KCNQ5: variants seen among roughly 807,000 people sequenced by gnomAD.
KCNQ5 encodes the protein potassium voltage-gated channel subfamily Q member 5, also known as potassium voltage-gated channel subfamily KQT member 5.
A neutral mutation model predicts 98.2 loss-of-function variants in KCNQ5; 30 were observed. The observed-to-expected ratio is 0.31, with a 90% CI of 0.23 to 0.41. KCNQ5 has a LOEUF of 0.41. KCNQ5 is among the 10% of genes least tolerant of loss of function. The pLI, the probability that KCNQ5 is intolerant of heterozygous loss-of-function variation, is 1.00. For missense variants in KCNQ5, 835 were observed against 1,182.5 expected, an observed-to-expected ratio of 0.71 and a Z score of 4.31; for synonymous variants, 458 against 449.4, an observed-to-expected ratio of 1.02 and a Z score of -0.24.
chr6:72,697,441 T>C (rs1240288818), intron 1 of KCNQ5, among the ~76,000 whole-genome samples: 1 of 152,226 alleles, frequency 6.6e-6, no homozygotes, highest in Non-Finnish European at 1.5e-5. Flanking sequence ...AAATTCTAGA[T>C]TTATTCCTAG....
chr6:72,868,956 C>T (rs1778098263), intron 1 of KCNQ5, among the ~76,000 whole-genome samples: 1 of 152,078 alleles, frequency 6.6e-6, no homozygotes, highest in Admixed American at 6.6e-5. Context: ...TTACTGTAAA[C>T]TTAAAGATAA....
chr6:73,031,125 T>C (rs1194169678), intron 2 of KCNQ5, among the ~76,000 whole-genome samples: 1 of 152,212 alleles, frequency 6.6e-6, no homozygotes. Flanking sequence ...CCCCCACAGC[T>C]TGTCTTAAGA....
intron 1 of KCNQ5, among the ~76,000 whole-genome samples, chr6:72,666,031 T>C (rs1766793660): frequency 6.6e-6 from 1 of 152,216 alleles, no homozygotes; most frequent in Non-Finnish European, 1.5e-5. Context: ...GAAACAATTC[T>C]AAACCAGGAG....
intron 11 of KCNQ5, among the ~76,000 whole-genome samples, chr6:73,183,139 G>A (rs1695750876): frequency 2.0e-5 from 3 of 152,176 alleles, no homozygotes; most frequent in Non-Finnish European, 2.9e-5. Flanking sequence ...AGGCAGAGTA[G>A]GAGGTCAGAT....
chr6:73,078,366 C>T (rs1455740664), intron 5 of KCNQ5, among the ~76,000 whole-genome samples: 1 of 151,880 alleles, frequency 6.6e-6, no homozygotes, highest in African/African-American at 2.4e-5. Context: ...TTATAGTCAC[C>T]TAATTTCAAA....
chr6:72,797,074 G>C (rs939738278), intron 1 of KCNQ5, among the ~76,000 whole-genome samples: 5 of 152,132 alleles, frequency 3.3e-5, no homozygotes, highest in African/African-American at 1.2e-4. Context: ...ACTATGACAA[G>C]TATCAGCAAA....
rs915003016 is a variant in KCNQ5, at chr6:73,192,675, T to G, written c.1820T>G (p.Val607Gly). 1 of 1,591,294 alleles carries G rather than the reference T, an allele frequency of 6.3e-7. No homozygotes were observed. The highest frequency in any genetic ancestry group is 8.5e-7 in the Non-Finnish European group (1 of 1,169,708). ...GATCTCAGTATGCTCGGTCGGGTGG[T>G]CAAGGTTGAAAAACAGGTACAACTC... ...TDDLSMLGRV[V>G]KVEKQVQSIE... Residue 607 changes from valine (V) to glycine (G), a missense_variant, in exon 13 of 14, where the codon GTC becomes GGC. Val to Gly is a moderately radical substitution (Grantham distance 109). Coordinates refer to ENST00000370398, the MANE Select transcript of KCNQ5 (RefSeq NM_019842.4).
At chr6:72,974,622 A>C (rs1319232188) in intron 1 of KCNQ5, among the ~76,000 whole-genome samples, 1 of 152,192 alleles carries the variant, frequency 6.6e-6, no homozygotes, top group African/African-American at 2.4e-5. Flanking sequence ...ATGTTTATTT[A>C]GTGCATCCCT....
chr6:72,826,635 G>T (rs1776010585), intron 1 of KCNQ5, among the ~76,000 whole-genome samples: 1 of 151,962 alleles, frequency 6.6e-6, no homozygotes, highest in African/African-American at 2.4e-5. Context: ...GATAGATAGT[G>T]ATGTTTCAAT....
rs1305639255 is a variant in KCNQ5 at position 73,152,288 on chromosome 6, T to C, written c.1469-17458T>C. The stretch of plus-strand genomic sequence containing the variant: ...CTCATAATAAAGATATGAAAATCTG[T>C]TATTTGAAAGTTGGACTTGCATACT... On this transcript the variant is annotated intron_variant, in intron 10 of 13. Coordinates refer to ENST00000370398, the MANE Select transcript of KCNQ5 (RefSeq NM_019842.4). Among the ~76,000 whole-genome samples the C allele has an allele frequency of 3.3e-5, 5 of 152,092 alleles. No homozygotes were observed. The South Asian group carries it at 1.0e-3, about 32-fold the overall frequency.
chr6:72,867,692 C>CT (rs1393179975), intron 1 of KCNQ5, among the ~76,000 whole-genome samples: 2 of 151,912 alleles, frequency 1.3e-5, no homozygotes, highest in Non-Finnish European at 2.9e-5. Flanking sequence ...AATCCCAACA[C>CT]TTTGGGAGGC....
In KCNQ5 at chr6:72,622,234, G is replaced by T. The variant is rs889723978; in HGVS notation, c.45G>T (p.Gly15=). ...HAGGEEGGAA[G]LWVKSGAAAA... ...GAGGAGAGGAGGGCGGCGCCGCCGG[G>T]CTCTGGGTGAAGAGCGGCGCAGCGG... Residue 15 remains glycine (G), a synonymous_variant, in exon 1 of 14, where the codon GGG becomes GGT. Coordinates refer to ENST00000370398, the MANE Select transcript of KCNQ5 (RefSeq NM_019842.4). The surrounding 1 kb of genome is among the most constrained non-coding windows in gnomAD (Gnocchi z 6.0). 1.8e-5 allele frequency: 23 copies of T among 1,244,076 alleles called. No individual in the cohort carries two copies. Among genetic ancestry groups the T allele is most frequent in the Middle Eastern group, 6.1e-4 (2 of 3,282 alleles). 77.1% of individuals were successfully genotyped at this position (1,244,076 alleles called of 1,614,324 possible). A position where few individuals can be genotyped will look rare whatever the true frequency, so the allele number is the denominator to read the frequency against.
chr6:72,978,410 A>C (rs945922110), intron 1 of KCNQ5, among the ~76,000 whole-genome samples: 3 of 152,232 alleles, frequency 2.0e-5, no homozygotes, highest in Non-Finnish European at 2.9e-5. Context: ...CTATGATGGA[A>C]AACATCCTTT....
chr6:72,987,713 A>T (rs572535490), intron 1 of KCNQ5: 2 of 558,332 alleles, frequency 3.6e-6, no homozygotes, highest in East Asian at 9.1e-5. Flanking sequence ...TTTTATATTC[A>T]TAGGAACGCT....
chr6:72,669,393 C>T (rs775979125), intron 1 of KCNQ5, among the ~76,000 whole-genome samples: 1 of 152,192 alleles, frequency 6.6e-6, no homozygotes, highest in African/African-American at 2.4e-5. Flanking sequence ...GAATAATTGT[C>T]TTTGGCTTGA....
intron 1 of KCNQ5, among the ~76,000 whole-genome samples, chr6:72,876,644 A>G (rs1778418890): frequency 6.6e-6 from 1 of 152,272 alleles, no homozygotes; most frequent in African/African-American, 2.4e-5. Flanking sequence ...AATTAACAAA[A>G]AAGATATAAA....
intron 12 of KCNQ5, among the ~76,000 whole-genome samples, chr6:73,191,637 ACCTG>A (rs1480090044): frequency 6.6e-6 from 1 of 152,052 alleles, no homozygotes; most frequent in African/African-American, 2.4e-5. Flanking sequence ...TTAGTAAAAT[ACCTG>A]TTCATCAATT....
At chr6:72,777,881 T>A (rs535252075) in intron 1 of KCNQ5, among the ~76,000 whole-genome samples, 22 of 152,258 alleles carry the variant, frequency 1.4e-4, no homozygotes, top group Admixed American at 1.4e-3. Context: ...TAAAAGAGAA[T>A]GTATGAAGAG....
At chr6:72,696,591 C>G (rs1565085377) in intron 1 of KCNQ5, among the ~76,000 whole-genome samples, 1 of 152,050 alleles carries the variant, frequency 6.6e-6, no homozygotes, top group Non-Finnish European at 1.5e-5. Context: ...AGTGGCAACT[C>G]TTTATCTCTT....
Sources: allele counts gnomAD v4.1 joint callset (sites outside exome capture counted in the v4.1 genomes callset), GRCh38; gene constraint gnomAD v4.1.1; non-coding constraint Gnocchi (gnomAD v3.1); transcripts MANE v1.5; gene names NCBI Gene and HGNC (gene_info 2026-07-23, HGNC 2026-07-21).